Variants in CD163L1 observed in about 807,000 individuals in gnomAD.
CD163L1 encodes the protein scavenger receptor cysteine-rich type 1 protein M160.
A neutral mutation model predicts 165.4 loss-of-function variants in CD163L1; 124 were observed. The ratio of observed to expected loss-of-function variants is 0.75; its 90% CI spans 0.65 to 0.87. The LOEUF (loss-of-function observed/expected upper bound fraction) is 0.87. CD163L1 is among the 40% of genes least tolerant of loss of function. The pLI, the probability that CD163L1 is intolerant of heterozygous loss-of-function variation, is 0.00. For missense variants in CD163L1, 1,525 were observed against 1,799.9 expected (o/e 0.85, Z 2.76); for synonymous variants, 585 against 662.2 (o/e 0.88, Z 1.79).
intron 5 of CD163L1, among the ~76,000 whole-genome samples, chr12:7,404,339 T>C (rs931543632): frequency 6.6e-6 from 1 of 151,920 alleles, no homozygotes; most frequent in South Asian, 2.1e-4. Context: ...TAGCAAAAAG[T>C]CTCTCTTGGA....
chr12:7,397,184 T>A (rs11053657), intron 7 of CD163L1, among the ~76,000 whole-genome samples: 1 of 152,092 alleles, frequency 6.6e-6, no homozygotes, highest in African/African-American at 2.4e-5. Flanking sequence ...TGAGTGAACA[T>A]ATATTTGATA....
At chr12:7,437,238 T>TTTTTTAAATAGTA (rs1948733091) in intron 2 of CD163L1, among the ~76,000 whole-genome samples, 3 of 84,300 alleles carry the variant, frequency 3.6e-5, no homozygotes, top group East Asian at 7.2e-4. Flanking sequence ...AAGTATTTAC[T>TTTTTTAAATAGTA]TTTAAATAGT....
intron 4 of CD163L1, among the ~76,000 whole-genome samples, chr12:7,414,806 T>C (rs1301139499): frequency 6.6e-6 from 1 of 152,068 alleles, no homozygotes; most frequent in Non-Finnish European, 1.5e-5. Flanking sequence ...GATGAAATAG[T>C]GAATGTACTG....
At chr12:7,392,688 AAAG>A (rs1247450694) in intron 8 of CD163L1, among the ~76,000 whole-genome samples, 3 of 152,228 alleles carry the variant, frequency 2.0e-5, no homozygotes, top group Non-Finnish European at 4.4e-5. Flanking sequence ...CAAAACTAAT[AAAG>A]AAGGAGAGAA....
At chr12:7,359,988 T>C (rs1057499754) in intron 18 of CD163L1, among the ~76,000 whole-genome samples, 1 of 152,184 alleles carries the variant, frequency 6.6e-6, no homozygotes, top group African/African-American at 2.4e-5. Context: ...TGTCTGGGAA[T>C]GTATATATTT....
At chr12:7,436,925 A>T (rs1205605629) in intron 2 of CD163L1, among the ~76,000 whole-genome samples, 1 of 151,500 alleles carries the variant, frequency 6.6e-6, no homozygotes, top group Non-Finnish European at 1.5e-5. Context: ...ATGACAGAAA[A>T]CTACACAGCC....
intron 4 of CD163L1, among the ~76,000 whole-genome samples, chr12:7,418,695 T>C (rs1181824534): frequency 6.6e-6 from 1 of 151,792 alleles, no homozygotes; most frequent in African/African-American, 2.4e-5. Flanking sequence ...AAATAAGAAA[T>C]ATTACAACCA....
rs796604407 is a variant in CD163L1, at chr12:7,421,476, T to C, written c.766+10940A>G. Among the ~76,000 whole-genome samples the C allele has an allele frequency of 2.6e-3, 252 of 97,494 alleles. 37 individuals carry two copies. Among genetic ancestry groups the C allele is most frequent in the Middle Eastern group, 0.013 (2 of 154 alleles). The allele number at this position is 97,494 out of a possible 152,430, so 64.0% of individuals were successfully genotyped here. Reference sequence around the variant, plus strand: ...ATGTACATATATACATATATATACATATATGTACATATATACATATATGTA... The same window carrying C: ...ATGTACATATATACATATATATACACATATGTACATATATACATATATGTA... On this transcript the variant is annotated intron_variant, in intron 4 of 19. Coordinates refer to ENST00000313599, the MANE Select transcript of CD163L1 (RefSeq NM_174941.6).
Position 7,432,643 on chromosome 12 carries a change from C to G in CD163L1, c.539G>C (p.Cys180Ser). 6.2e-7 allele frequency: 1 copy of G among 1,614,178 alleles called. No individual in the cohort carries two copies. The highest frequency in any genetic ancestry group is 8.5e-7 in the Non-Finnish European group (1 of 1,180,034). ...VKFQERWGTI[C>S]DDGWNLNTAA... Reference sequence around the variant, plus strand: ...AGTATTCAAGTTCCACCCATCATCACATATAGTTCCCCACCTTTCTTGGAA... The same window carrying G: ...AGTATTCAAGTTCCACCCATCATCAGATATAGTTCCCCACCTTTCTTGGAA... Residue 180 changes from cysteine (C) to serine (S), a missense_variant, in exon 4 of 20, where the codon TGT becomes TCT. Physicochemically the swap from Cys to Ser is moderately radical, Grantham distance 112. Coordinates refer to ENST00000313599, the MANE Select transcript of CD163L1 (RefSeq NM_174941.6). The surrounding 1 kb of genome is among the most constrained non-coding windows in gnomAD (Gnocchi z 4.2).
the CD163L1 span, among the ~76,000 whole-genome samples, chr12:7,320,350 C>G: frequency 6.6e-6 from 1 of 152,154 alleles, no homozygotes; most frequent in African/African-American, 2.4e-5. Context: ...CTTATACATC[C>G]ATAGTCAATA....
chr12:7,359,759 C>T (rs912422191), intron 18 of CD163L1, among the ~76,000 whole-genome samples: 9 of 152,134 alleles, frequency 5.9e-5, no homozygotes, highest in African/African-American at 1.9e-4. Context: ...TAAATTTGCT[C>T]ATCTTCATTC....
chr12:7,399,492 T>TTCCTCA (rs1947870253), intron 6 of CD163L1, among the ~76,000 whole-genome samples: 1 of 151,140 alleles, frequency 6.6e-6, no homozygotes, highest in African/African-American at 2.4e-5. Context: ...CTTCTTCCTC[T>TTCCTCA]TCCTCCCTTT....
rs1565809845 is a variant in CD163L1 at position 7,421,440 on chromosome 12, C to CATATACATATATGTACATATATACAT, written c.766+10950_766+10975dup. On this transcript the variant is annotated intron_variant, in intron 4 of 19. Transcript: ENST00000313599. ...ATATATACATATATGTACATATATA[C>CATATACATATATGTACATATATACAT]ATATACATATATGTACATATATACA... 7.9e-4 allele frequency among the ~76,000 whole-genome samples: 70 copies of CATATACATATATGTACATATATACAT among 88,158 alleles called. 6 individuals are homozygous for CATATACATATATGTACATATATACAT. The highest frequency in any genetic ancestry group is 3.9e-3 in the African/African-American group (64 of 16,578). The allele number at this position is 88,158 out of a possible 152,430, so 57.8% of individuals were successfully genotyped here. A position where few individuals can be genotyped will look rare whatever the true frequency, so the allele number is the denominator to read the frequency against.
At chr12:7,417,421 T>G (rs1017562499) in intron 4 of CD163L1, among the ~76,000 whole-genome samples, 1 of 152,168 alleles carries the variant, frequency 6.6e-6, no homozygotes, top group African/African-American at 2.4e-5. Flanking sequence ...CTTGCCTGAT[T>G]GCCCTGGCCA....
At chr12:7,428,963 C>T (rs11833046) in intron 4 of CD163L1, among the ~76,000 whole-genome samples, 18,757 of 151,830 alleles carry the variant, frequency 0.12, 1,672 homozygotes, top group African/African-American at 0.24. Context: ...TTATTTAATC[C>T]GAGTTTCTTC....
In CD163L1 at chr12:7,406,694, G is replaced by A. The variant is rs1240028088; in HGVS notation, c.925C>T (p.Leu309Phe). 2 of 1,613,962 alleles carry A rather than the reference G, an allele frequency of 1.2e-6. No homozygotes were observed. The highest frequency in any genetic ancestry group is 1.7e-6 in the Non-Finnish European group (2 of 1,180,010). ...VCKQLGCGTA[L>F]HFAGLPHLQS... ...AAATGAGGCAAGCCAGCGAAGTGAA[G>A]TGCGGTTCCACATCCCAACTGCTTG... Residue 309 changes from leucine (L) to phenylalanine (F), a missense_variant, in exon 5 of 20, where the codon CTT becomes TTT. Leu to Phe is a conservative substitution (Grantham distance 22, BLOSUM62 0). Transcript: ENST00000313599.
At chr12:7,416,433 T>C (rs1948242241) in intron 4 of CD163L1, among the ~76,000 whole-genome samples, 1 of 152,210 alleles carries the variant, frequency 6.6e-6, no homozygotes, top group African/African-American at 2.4e-5. Flanking sequence ...TTAGATCCCA[T>C]TTGTCAATTT....
At chr12:7,366,287 A>C (rs1367466216) in intron 18 of CD163L1, among the ~76,000 whole-genome samples, 1 of 152,136 alleles carries the variant, frequency 6.6e-6, no homozygotes. Flanking sequence ...GATTGAGTAC[A>C]AATATACAAT....
In CD163L1 at chr12:7,368,358, T is replaced by C. The variant is rs957938489; in HGVS notation, c.4073-161A>G. Among the ~76,000 whole-genome samples, 5 of 152,202 alleles carry C rather than the reference T, an allele frequency of 3.3e-5. No homozygotes were observed. Among genetic ancestry groups the C allele is most frequent in the Non-Finnish European group, 7.3e-5 (5 of 68,028 alleles). ...CGTAATCTTTGAGAGCTATTTTAGA[T>C]GAAAACTATCTTGGAACAACTGAAT... On this transcript the variant is annotated intron_variant, in intron 16 of 19. Coordinates refer to ENST00000313599, the MANE Select transcript of CD163L1 (RefSeq NM_174941.6). The surrounding 1 kb of genome is among the most constrained non-coding windows in gnomAD (Gnocchi z 4.3).
Sources: allele counts gnomAD v4.1 joint callset (sites outside exome capture counted in the v4.1 genomes callset), GRCh38; gene constraint gnomAD v4.1.1; non-coding constraint Gnocchi (gnomAD v3.1); transcripts MANE v1.5; gene names NCBI Gene and HGNC (gene_info 2026-07-23, HGNC 2026-07-21).